The following PPP3CA variants were observed in gnomAD, a reference collection of about 807,000 sequenced individuals.
The protein encoded by PPP3CA is CAM-PRP catalytic subunit.
PPP3CA carries 14 observed loss-of-function variants against 66.5 expected under a neutral mutation model. That is an observed-to-expected ratio of 0.21 (90% CI 0.14 to 0.33). The LOEUF is 0.33. Among genes scored for constraint, PPP3CA ranks in the 10% least tolerant of loss-of-function variants. PPP3CA has a pLI of 1.00. For missense variants in PPP3CA, 317 were observed against 639.5 expected, an observed-to-expected ratio of 0.50 and a Z score of 5.44; for synonymous variants, 232 against 226.2, an observed-to-expected ratio of 1.03 and a Z score of -0.23.
At chr4:101,308,285 G>A (rs1382487418) in intron 1 of PPP3CA, among the ~76,000 whole-genome samples, 1 of 152,104 alleles carries the variant, frequency 6.6e-6, no homozygotes, top group East Asian at 1.9e-4. Flanking sequence ...AAGATGAATA[G>A]ACCTGACCCA....
chr4:101,281,314 C>T (rs554636558), intron 1 of PPP3CA, among the ~76,000 whole-genome samples: 1 of 152,252 alleles, frequency 6.6e-6, no homozygotes, highest in Non-Finnish European at 1.5e-5. Context: ...AGAACATGGG[C>T]TCAGGAGAAG....
chr4:101,176,209 G>A (rs1374103780), intron 2 of PPP3CA, among the ~76,000 whole-genome samples: 1 of 152,142 alleles, frequency 6.6e-6, no homozygotes, highest in Non-Finnish European at 1.5e-5. Flanking sequence ...CAGTTATTAT[G>A]TGATCTACAG....
chr4:101,292,310 A>C (rs1330633103), intron 1 of PPP3CA, among the ~76,000 whole-genome samples: 1 of 152,228 alleles, frequency 6.6e-6, no homozygotes, highest in East Asian at 1.9e-4. Flanking sequence ...TTTGAAAAGA[A>C]TCATAGATGC....
intron 9 of PPP3CA, among the ~76,000 whole-genome samples, chr4:101,061,986 TAG>T (rs1341637140): frequency 6.6e-6 from 1 of 152,102 alleles, no homozygotes; most frequent in African/African-American, 2.4e-5. Context: ...AGATGAATGA[TAG>T]AGAGTCAAAC....
chr4:101,278,498 G>A (rs1306383805), intron 1 of PPP3CA, among the ~76,000 whole-genome samples: 2 of 152,108 alleles, frequency 1.3e-5, no homozygotes, highest in Admixed American at 1.3e-4. Flanking sequence ...TATTGAACTT[G>A]GAGCTCTCAA....
At chr4:101,101,160 T>C (rs991041333) in intron 3 of PPP3CA, among the ~76,000 whole-genome samples, 2 of 152,194 alleles carry the variant, frequency 1.3e-5, no homozygotes, top group Non-Finnish European at 2.9e-5. Flanking sequence ...ATGTGACTAA[T>C]GATATTAATA....
At chr4:101,177,463 A>C (rs965559617) in intron 2 of PPP3CA, among the ~76,000 whole-genome samples, 1 of 152,074 alleles carries the variant, frequency 6.6e-6, no homozygotes, top group East Asian at 1.9e-4. Context: ...CTTTTAGACA[A>C]TAGTTTTCAC....
chr4:101,253,483 T>A (rs932302277), intron 1 of PPP3CA, among the ~76,000 whole-genome samples: 1 of 152,176 alleles, frequency 6.6e-6, no homozygotes, highest in Non-Finnish European at 1.5e-5. Context: ...CTTCAAGGGT[T>A]ACATTCTATT....
intron 2 of PPP3CA, among the ~76,000 whole-genome samples, chr4:101,146,657 G>A (rs1433144091): frequency 2.0e-5 from 3 of 151,938 alleles, no homozygotes; most frequent in Non-Finnish European, 4.4e-5. Flanking sequence ...TGGTCAGGCT[G>A]GCCTCGAACT....
intron 1 of PPP3CA, among the ~76,000 whole-genome samples, chr4:101,333,275 T>TG: frequency 3.1e-5 from 1 of 32,262 alleles, no homozygotes; most frequent in Non-Finnish European, 4.5e-5. Flanking sequence ...GCCCAGTTTT[T>TG]TTTTTTTTTT....
intron 3 of PPP3CA, among the ~76,000 whole-genome samples, chr4:101,105,165 T>C (rs545385576): frequency 6.6e-6 from 1 of 151,662 alleles, no homozygotes; most frequent in East Asian, 1.9e-4. Context: ...TTTCTTTTTT[T>C]TCCTTTTTTT....
intron 1 of PPP3CA, among the ~76,000 whole-genome samples, chr4:101,247,172 T>TG (rs1726513087): frequency 6.9e-6 from 1 of 145,280 alleles, no homozygotes; most frequent in Admixed American, 6.9e-5. Context: ...TCGTTTTTTC[T>TG]TTTTTTTTTT....
intron 2 of PPP3CA, among the ~76,000 whole-genome samples, chr4:101,134,416 A>T (rs1370131704): frequency 6.6e-6 from 1 of 152,228 alleles, no homozygotes; most frequent in Non-Finnish European, 1.5e-5. Flanking sequence ...CTCATCAAAA[A>T]GTGGGTGAAG....
intron 1 of PPP3CA, among the ~76,000 whole-genome samples, chr4:101,302,307 T>G (rs1034267028): frequency 6.6e-6 from 1 of 152,224 alleles, no homozygotes; most frequent in African/African-American, 2.4e-5. Context: ...TGCTGATGCA[T>G]CCTCATCTTC....
intron 1 of PPP3CA, 69 bp from the exon 2 acceptor site, chr4:101,196,185 C>A: frequency 7.2e-7 from 1 of 1,394,670 alleles, no homozygotes; most frequent in Non-Finnish European, 9.9e-7. Context: ...TAATAACCAC[C>A]AAATATCCAT....
chr4:101,025,670 C>G lies in PPP3CA; in HGVS notation c.*195G>C. The G allele has an allele frequency of 2.1e-6, 1 of 472,450 alleles. No individual in the cohort carries two copies. The highest frequency in any genetic ancestry group is 3.6e-6 in the Non-Finnish European group (1 of 275,000). The allele number at this position is 472,450 out of a possible 1,614,324, so 29.3% of individuals were successfully genotyped here. The stretch of plus-strand genomic sequence containing the variant: ...AAAAGAGGTGTTTAATCACCATCCC[C>G]ACCAAAATATAGTTTATTATCTCTC... On this transcript the variant is annotated 3_prime_UTR_variant, in exon 14 of 14. Coordinates refer to ENST00000394854, the MANE Select transcript of PPP3CA (RefSeq NM_000944.5).
chr4:101,223,956 C>T (rs1465202622), intron 1 of PPP3CA, among the ~76,000 whole-genome samples: 1 of 151,586 alleles, frequency 6.6e-6, no homozygotes, highest in Non-Finnish European at 1.5e-5. Flanking sequence ...CCTATAAAAC[C>T]ATTCCAAGAG....
At chr4:101,259,587 C>T (rs1028938444) in intron 1 of PPP3CA, among the ~76,000 whole-genome samples, 5 of 152,018 alleles carry the variant, frequency 3.3e-5, no homozygotes, top group East Asian at 1.9e-4. Flanking sequence ...TCTGGCATGA[C>T]GTAAAAGTAA....
rs115962143 is a variant in PPP3CA, at chr4:101,053,838, G to A, written c.1156+7249C>T. 6.8e-3 allele frequency among the ~76,000 whole-genome samples: 1,031 copies of A among 151,938 alleles called. 11 individuals carry two copies. Among genetic ancestry groups the A allele is most frequent in the African/African-American group, 0.023 (944 of 41,454 alleles). ...AAGTCCTCGGAAAGGTCTTTTGAAC[G>A]GTTCCTTTTAAATGTTTTTCTTAAC... On this transcript the variant is annotated intron_variant, in intron 10 of 13. Coordinates refer to ENST00000394854, the MANE Select transcript of PPP3CA (RefSeq NM_000944.5).
Sources: gnomAD v4.1 joint callset for allele counts (sites outside exome capture counted in the v4.1 genomes callset) on GRCh38, gnomAD v4.1.1 for gene constraint, MANE v1.5 for transcripts, NCBI Gene and HGNC (gene_info 2026-07-23, HGNC 2026-07-21) for gene names.